The following DCC variants were observed in gnomAD, a reference collection of about 807,000 sequenced individuals.
DCC encodes netrin receptor DCC.
Under a neutral mutation model 172.5 loss-of-function variants are expected in DCC, and 58 were observed. The observed-to-expected ratio is 0.34, with a 90% CI of 0.27 to 0.42. The LOEUF (loss-of-function observed/expected upper bound fraction) is 0.42. Ranked by LOEUF, DCC falls within the 10% of genes least tolerant of loss-of-function variation. The pLI is 1.00. For synonymous variants in DCC, 709 were observed against 644.5 expected (o/e 1.10, Z -1.52); for missense variants, 1,740 against 1,791.0 (o/e 0.97, Z 0.51).
At chr18:53,130,476 C>G (rs907913585) in intron 7 of DCC, among the ~76,000 whole-genome samples, 5 of 152,062 alleles carry the variant, frequency 3.3e-5, no homozygotes, top group Non-Finnish European at 5.9e-5. Flanking sequence ...TCTTCCTTTT[C>G]TGTGGATTTG....
chr18:52,497,321 AC>A, intron 1 of DCC, among the ~76,000 whole-genome samples: 2 of 51,486 alleles, frequency 3.9e-5, no homozygotes. Context: ...ATATACACAC[AC>A]ACATATATAT....
In DCC at chr18:52,462,803, AGTGCTGGCACAG is replaced by A. The variant is rs1356033201; in HGVS notation, c.91+121938_91+121949del. Among the ~76,000 whole-genome samples the A allele has an allele frequency of 1.1e-4, 17 of 152,300 alleles. No individual in the cohort carries two copies. The East Asian group carries it at 1.7e-3, about 16-fold the overall frequency. ...GCTCCAGCCCAGGTGCCTGGAACAGAGTGCTGGCACAGGTGCTGGCACAGAGTGAGTACTCTG... is the reference window on the plus strand; with the variant it reads ...GCTCCAGCCCAGGTGCCTGGAACAGAGTGCTGGCACAGAGTGAGTACTCTG... On this transcript the variant is annotated intron_variant, in intron 1 of 28. Transcript: ENST00000442544.
At chr18:53,149,204 A>T (rs2043963074) in intron 7 of DCC, among the ~76,000 whole-genome samples, 1 of 152,152 alleles carries the variant, frequency 6.6e-6, no homozygotes, top group Admixed American at 6.5e-5. Flanking sequence ...CCAGACAGCC[A>T]TTAAGAAACT....
intron 1 of DCC, among the ~76,000 whole-genome samples, chr18:52,485,859 A>G (rs2030192576): frequency 6.6e-6 from 1 of 152,190 alleles, no homozygotes; most frequent in African/African-American, 2.4e-5. Flanking sequence ...ATCAAAAATA[A>G]AATAATTTTT....
chr18:52,473,230 C>T (rs1988996736), intron 1 of DCC, among the ~76,000 whole-genome samples: 2 of 152,156 alleles, frequency 1.3e-5, no homozygotes, highest in African/African-American at 4.8e-5. Context: ...GCTGCCAAAG[C>T]TCCCAGCCAT....
At chr18:53,071,009 A>T (rs990970866) in intron 7 of DCC, among the ~76,000 whole-genome samples, 4 of 152,146 alleles carry the variant, frequency 2.6e-5, no homozygotes, top group African/African-American at 9.7e-5. Flanking sequence ...GTCACCATAT[A>T]TTTTGAAGTA....
chr18:53,006,092 T>C (rs781634121), intron 5 of DCC, among the ~76,000 whole-genome samples: 55 of 152,238 alleles, frequency 3.6e-4, no homozygotes, highest in Non-Finnish European at 6.9e-4. Flanking sequence ...TCCACATATA[T>C]GTGTGTCTTC....
intron 25 of DCC, 25 bp from the exon 26 acceptor site, chr18:53,486,772 A>G: frequency 6.2e-7 from 1 of 1,614,028 alleles, no homozygotes; most frequent in East Asian, 2.2e-5. Context: ...GGTTCAAAAA[A>G]CCCATTAACC....
At chr18:53,191,408 ATTTTC>A (rs2055364888) in intron 9 of DCC, among the ~76,000 whole-genome samples, 1 of 151,938 alleles carries the variant, frequency 6.6e-6, no homozygotes, top group African/African-American at 2.4e-5. Context: ...TATGTTTTGT[ATTTTC>A]TTTATAACCT....
At chr18:53,254,460 C>T (rs2056479373) in intron 12 of DCC, among the ~76,000 whole-genome samples, 1 of 152,010 alleles carries the variant, frequency 6.6e-6, no homozygotes, top group Non-Finnish European at 1.5e-5. Flanking sequence ...GCACCTGAAT[C>T]ACCATTAAAA....
In DCC at chr18:53,284,949, A is replaced by T. The variant is rs548450148; in HGVS notation, c.1912-20629A>T. Among the ~76,000 whole-genome samples, 9 of 152,282 alleles carry T rather than the reference A, an allele frequency of 5.9e-5. No homozygotes were observed. In the South Asian group the frequency reaches 1.2e-3, roughly 21 times the overall value. On this transcript the variant is annotated intron_variant, in intron 12 of 28. Transcript: ENST00000442544. ...TTTTGCCCCTTCCCTAGAGATTTGTAGAACTTTGAACTTGAGAGAGATGAT... is the reference window on the plus strand; with the variant it reads ...TTTTGCCCCTTCCCTAGAGATTTGTTGAACTTTGAACTTGAGAGAGATGAT...
At position 53,392,026 on chromosome 18, in the gene DCC, A is replaced by G. The variant is rs1354213099; in HGVS notation, c.2688+139A>G. 4.4e-6 allele frequency: 3 copies of G among 677,052 alleles called. No individual in the cohort carries two copies. In the African/African-American group the frequency reaches 5.3e-5, roughly 12 times the overall value. The allele number at this position is 677,052 out of a possible 1,614,324, so 41.9% of individuals were successfully genotyped here. A position where few individuals can be genotyped will look rare whatever the true frequency, so the allele number is the denominator to read the frequency against. On this transcript the variant is annotated intron_variant, in intron 17 of 28. Coordinates refer to ENST00000442544, the MANE Select transcript of DCC (RefSeq NM_005215.4). ...GAAAAACAAAGCATTTTAATAACTC[A>G]ATATCTAAGATTAACATGAGAATAA...
intron 7 of DCC, among the ~76,000 whole-genome samples, chr18:53,110,004 G>A (rs978588236): frequency 2.0e-5 from 3 of 151,360 alleles, no homozygotes; most frequent in South Asian, 2.1e-4. Context: ...AAATGATGAC[G>A]TATTTAACAA....
At chr18:52,934,819 G>A (rs1035662695) in intron 5 of DCC, 9 of 152,126 alleles carry the variant, frequency 5.9e-5, no homozygotes, top group Admixed American at 5.2e-4. Flanking sequence ...AGAGAGAAAA[G>A]GCCATGTGAG....
intron 5 of DCC, among the ~76,000 whole-genome samples, chr18:53,061,611 C>T (rs1190734045): frequency 6.6e-6 from 1 of 152,098 alleles, no homozygotes; most frequent in African/African-American, 2.4e-5. Context: ...CTCTCAGGCT[C>T]TGGAAGTATT....
chr18:53,416,219 G>A, intron 21 of DCC, 63 bp downstream of exon 21: 1 of 1,172,000 alleles, frequency 8.5e-7, no homozygotes, highest in Middle Eastern at 1.9e-4. Context: ...AGACATGTCA[G>A]TCATTACTTT....
chr18:52,423,899 CTG>C (rs1424912915), intron 1 of DCC, among the ~76,000 whole-genome samples: 1 of 152,134 alleles, frequency 6.6e-6, no homozygotes, highest in East Asian at 1.9e-4. Flanking sequence ...TCTGGTAATG[CTG>C]TGTGTGAATG....
At position 53,402,825 on chromosome 18, in the gene DCC, G is replaced by A. The variant is rs775539467; in HGVS notation, c.2867G>A (p.Arg956Lys). The part of the protein sequence containing the change: ...SAPKDLTVIT[R>K]EGKPRAVIVS... ...CCCAAGGACTTGACAGTCATTACTA[G>A]GGAAGGGAAGCCTCGTGCCGTCATT... is the stretch of plus-strand genomic sequence containing the variant. The change falls in exon 19 of 29, where the codon AGG becomes AAG. Residue 956 changes from arginine to lysine, a missense_variant. This residue lies in a region of DCC where 1,732 missense variants were observed against 1,767.4 expected (regional missense o/e 0.98). Coordinates refer to ENST00000442544, the MANE Select transcript of DCC (RefSeq NM_005215.4). The A allele has an allele frequency of 7.4e-6, 12 of 1,614,026 alleles. 1 individual carries two copies. In the South Asian group the frequency reaches 1.3e-4, roughly 18 times the overall value.
chr18:53,080,087 G>T (rs1227429597), intron 7 of DCC, among the ~76,000 whole-genome samples: 1 of 152,084 alleles, frequency 6.6e-6, no homozygotes, highest in Admixed American at 6.6e-5. Flanking sequence ...ATTGAAACTA[G>T]TTGGAAAGCT....
Sources: gnomAD v4.1 joint callset for allele counts (sites outside exome capture counted in the v4.1 genomes callset) on GRCh38, gnomAD v4.1.1 for gene constraint, gnomAD v4.1.1 regional missense constraint, MANE v1.5 for transcripts, NCBI Gene and HGNC (gene_info 2026-07-23, HGNC 2026-07-21) for gene names.